The following CUL3 variants were observed in gnomAD, a reference collection of about 807,000 sequenced individuals.
CUL3 encodes cullin 3.
A neutral mutation model predicts 89.1 loss-of-function variants in CUL3; 19 were observed. That is an observed-to-expected ratio of 0.21 (90% confidence interval 0.15 to 0.31). The LOEUF is 0.31. Ranked by LOEUF, CUL3 falls within the 10% of genes least tolerant of loss-of-function variation. The pLI is 1.00. For missense variants in CUL3, 469 were observed against 942.3 expected (o/e 0.50, Z 6.58); for synonymous variants, 351 against 308.4 (o/e 1.14, Z -1.45).
At chr2:224,569,846 G>T in intron 1 of CUL3, 1 of 1,001,404 alleles carries the variant, frequency 1.0e-6, no homozygotes, top group Non-Finnish European at 1.2e-6. Flanking sequence ...TTAGAACAGG[G>T]TGGGTGGGGG....
intron 6 of CUL3, among the ~76,000 whole-genome samples, chr2:224,510,684 T>G (rs1692789666): frequency 6.6e-6 from 1 of 152,176 alleles, no homozygotes. Flanking sequence ...GAGGATATGG[T>G]TATTGTTCTT....
In CUL3 at chr2:224,473,576, A is replaced by AT. The variant is rs1468912201; in HGVS notation, c.*668dup. ...TAACTCAGAACAAAACCTAATCATT[A>AT]TAAGACTTAATTTGGGAAATCTCAA... On this transcript the variant is annotated 3_prime_UTR_variant, in exon 16 of 16. Transcript: ENST00000264414. 5.4e-6 allele frequency: 1 copy of AT among 184,678 alleles called. No individual in the cohort carries two copies. The highest frequency in any genetic ancestry group is 1.2e-5 in the Non-Finnish European group (1 of 86,888). 11.4% of individuals were successfully genotyped at this position (184,678 alleles called of 1,614,324 possible).
At chr2:224,509,698 G>A (rs1692741828) in intron 6 of CUL3, among the ~76,000 whole-genome samples, 1 of 152,226 alleles carries the variant, frequency 6.6e-6, no homozygotes, top group Admixed American at 6.5e-5. Context: ...ACAGGTTACA[G>A]AGATGCTGTA....
intron 13 of CUL3, among the ~76,000 whole-genome samples, chr2:224,486,356 G>A (rs1255200073): frequency 1.3e-5 from 2 of 152,080 alleles, no homozygotes; most frequent in Non-Finnish European, 2.9e-5. Flanking sequence ...AAGCTAAGAA[G>A]CTAAGAACCT....
At chr2:224,549,877 C>T (rs962228945) in intron 2 of CUL3, among the ~76,000 whole-genome samples, 2 of 151,972 alleles carry the variant, frequency 1.3e-5, no homozygotes, top group African/African-American at 2.4e-5. Context: ...CACACACACA[C>T]GCACACACAC....
At chr2:224,578,612 T>C (rs780305775) in intron 1 of CUL3, among the ~76,000 whole-genome samples, 5 of 152,172 alleles carry the variant, frequency 3.3e-5, no homozygotes, top group Admixed American at 1.3e-4. Flanking sequence ...AAGACACTGA[T>C]AGACTAATAA....
intron 13 of CUL3, among the ~76,000 whole-genome samples, chr2:224,482,350 G>A (rs1559337836): frequency 6.6e-6 from 1 of 152,092 alleles, no homozygotes; most frequent in Non-Finnish European, 1.5e-5. Context: ...ATGTTATCCA[G>A]CAGAGATTAT....
At chr2:224,501,010 T>C (rs1019690222) in intron 10 of CUL3, among the ~76,000 whole-genome samples, 8 of 152,202 alleles carry the variant, frequency 5.3e-5, no homozygotes, top group African/African-American at 1.9e-4. Flanking sequence ...TTGCTTATTA[T>C]GTTAATTTAA....
At chr2:224,583,884 T>C (rs1269545610) in intron 1 of CUL3, among the ~76,000 whole-genome samples, 1 of 152,226 alleles carries the variant, frequency 6.6e-6, no homozygotes, top group African/African-American at 2.4e-5. Context: ...TGGTACATCA[T>C]ATGAAGTATT....
intron 3 of CUL3, among the ~76,000 whole-genome samples, chr2:224,532,160 T>C (rs1031360121): frequency 6.6e-6 from 1 of 152,198 alleles, no homozygotes; most frequent in Non-Finnish European, 1.5e-5. Flanking sequence ...AATGCATATA[T>C]GAGTCTGAAT....
chr2:224,513,832 C>G lies in CUL3; in HGVS notation c.540-194G>C, dbSNP rs368178233. Among the ~76,000 whole-genome samples, 3 of 152,286 alleles carry G rather than the reference C, an allele frequency of 2.0e-5. No homozygotes were observed. The East Asian group carries it at 5.8e-4, about 29-fold the overall frequency. On this transcript the variant is annotated intron_variant, in intron 4 of 15. Coordinates refer to ENST00000264414, the MANE Select transcript of CUL3 (RefSeq NM_003590.5). ...AGTTGGAAAGCATATCTTGACTGCA[C>G]AGCTATTTCTCTCAAGGTGTTCTTA... is the stretch of plus-strand genomic sequence containing the variant.
intron 1 of CUL3, among the ~76,000 whole-genome samples, chr2:224,558,909 A>G (rs1298438509): frequency 6.7e-6 from 1 of 150,302 alleles, no homozygotes; most frequent in African/African-American, 2.5e-5. Flanking sequence ...AAAAAAGATT[A>G]GCCAGGCGTG....
intron 13 of CUL3, among the ~76,000 whole-genome samples, chr2:224,492,858 G>T (rs959227014): frequency 1.2e-4 from 18 of 152,140 alleles, no homozygotes; most frequent in African/African-American, 4.1e-4. Flanking sequence ...GATCAAAAAG[G>T]CACTGCAGGT....
At chr2:224,552,689 T>TA (rs1316560098) in intron 2 of CUL3, among the ~76,000 whole-genome samples, 1 of 152,166 alleles carries the variant, frequency 6.6e-6, no homozygotes, top group African/African-American at 2.4e-5. Flanking sequence ...TCAATCCATG[T>TA]AAAAATTATA....
intron 6 of CUL3, among the ~76,000 whole-genome samples, chr2:224,508,007 G>A (rs1251524964): frequency 6.6e-6 from 1 of 152,050 alleles, no homozygotes; most frequent in Non-Finnish European, 1.5e-5. Flanking sequence ...TAGCAAGAAA[G>A]TAGCCACAGA....
At chr2:224,575,522 C>T (rs1022256021) in intron 1 of CUL3, among the ~76,000 whole-genome samples, 5 of 152,028 alleles carry the variant, frequency 3.3e-5, no homozygotes, top group Non-Finnish European at 5.9e-5. Flanking sequence ...AATGGGTCTT[C>T]CTGAGATCAA....
At chr2:224,584,079 C>A (rs1695508058) in intron 1 of CUL3, among the ~76,000 whole-genome samples, 1 of 152,096 alleles carries the variant, frequency 6.6e-6, no homozygotes, top group Non-Finnish European at 1.5e-5. Flanking sequence ...GATTTGACAC[C>A]CAAAGTTATA....
intron 2 of CUL3, among the ~76,000 whole-genome samples, chr2:224,552,962 G>A (rs574950434): frequency 6.6e-6 from 1 of 152,280 alleles, no homozygotes; most frequent in African/African-American, 2.4e-5. Context: ...CTAGTCAAAA[G>A]ATGCAATGCA....
chr2:224,551,418 G>A (rs71429121), intron 2 of CUL3, among the ~76,000 whole-genome samples: 1 of 151,956 alleles, frequency 6.6e-6, no homozygotes, highest in Non-Finnish European at 1.5e-5. Flanking sequence ...TGTTAGCCAG[G>A]ATGGTCTCGA....
Sources: allele counts gnomAD v4.1 joint callset (sites outside exome capture counted in the v4.1 genomes callset), GRCh38; gene constraint gnomAD v4.1.1; transcripts MANE v1.5; gene names NCBI Gene and HGNC (gene_info 2026-07-23, HGNC 2026-07-21).